Variants in MINAR1 observed in about 807,000 individuals in gnomAD.
The protein encoded by MINAR1 is major intrinsically disordered Notch2-binding receptor 1.
A neutral mutation model predicts 65.1 loss-of-function variants in MINAR1; 40 were observed. That is an observed-to-expected ratio of 0.61 (90% confidence interval 0.48 to 0.80). The LOEUF (loss-of-function observed/expected upper bound fraction) is 0.80. Among genes scored for constraint, MINAR1 ranks in the 30% least tolerant of loss-of-function variants. The pLI is 0.00. For missense variants in MINAR1, 1,128 were observed against 1,148.0 expected (o/e 0.98, Z 0.25); for synonymous variants, 482 against 449.1 (o/e 1.07, Z -0.93).
In MINAR1 at chr15:79,445,376, A is replaced by C. The variant is rs373487631; in HGVS notation, c.-50-10722A>C. On this transcript the variant is annotated intron_variant, in intron 1 of 3. Transcript: ENST00000305428. Reference sequence around the variant, plus strand: ...TGCTCCAACTAATAACTAATAAATCACATGGCTTATAAGTAGAACAGCTTG... The same window carrying C: ...TGCTCCAACTAATAACTAATAAATCCCATGGCTTATAAGTAGAACAGCTTG... 2.3e-4 allele frequency among the ~76,000 whole-genome samples: 35 copies of C among 152,322 alleles called. No homozygotes were observed. The East Asian group carries it at 6.8e-3, about 29-fold the overall frequency.
At chr15:79,460,243 C>G (rs997016729) in intron 2 of MINAR1, among the ~76,000 whole-genome samples, 1 of 152,176 alleles carries the variant, frequency 6.6e-6, no homozygotes, top group Non-Finnish European at 1.5e-5. Context: ...TGGTAGTGAC[C>G]AGACCCGGCC....
At chr15:79,442,592 G>GA (rs35688303) in intron 1 of MINAR1, among the ~76,000 whole-genome samples, 7,963 of 122,610 alleles carry the variant, frequency 0.065, 289 homozygotes, top group Middle Eastern at 0.13. Flanking sequence ...CCATAAAAAT[G>GA]AAAAAAAAAA....
chr15:79,423,498 A>ATTCAAGCTT, the MINAR1 span: 1 of 152,192 alleles, frequency 6.6e-6, no homozygotes, highest in African/African-American at 2.4e-5. Flanking sequence ...TTTATTTAAC[A>ATTCAAGCTT]ATAACCGACA....
At chr15:79,458,893 A>C (rs1355967653) in intron 2 of MINAR1, among the ~76,000 whole-genome samples, 4 of 152,150 alleles carry the variant, frequency 2.6e-5, no homozygotes, top group African/African-American at 9.7e-5. Context: ...GTTCCTTTTT[A>C]AGTATGAGGT....
upstream of MINAR1, among the ~76,000 whole-genome samples, chr15:79,429,510 G>A (rs1179097699): frequency 1.3e-5 from 2 of 152,208 alleles, no homozygotes; most frequent in Admixed American, 1.3e-4. Flanking sequence ...ATCTGAGTGG[G>A]ACACCACTAG....
At chr15:79,427,187 G>A in the MINAR1 span, 1 of 152,162 alleles carries the variant, frequency 6.6e-6, no homozygotes, top group African/African-American at 2.4e-5. Flanking sequence ...AATAATGCAT[G>A]TTCTCACTTA....
At position 79,457,223 on chromosome 15, in the gene MINAR1, A is replaced by C; in HGVS notation, c.1076A>C (p.Asn359Thr). ...QEARRCLGKPNKQTPWPAKSW... is the reference protein window; with the variant it reads ...QEARRCLGKPTKQTPWPAKSW... ...GCCAGGCGCTGTCTAGGGAAGCCCA[A>C]CAAGCAGACTCCCTGGCCAGCCAAA... is the stretch of plus-strand genomic sequence containing the variant. The change falls in exon 2 of 4, where the codon AAC becomes ACC. Residue 359 changes from asparagine (N) to threonine (T), a missense_variant. Coordinates refer to ENST00000305428, the MANE Select transcript of MINAR1 (RefSeq NM_015206.3). 6.2e-7 allele frequency: 1 copy of C among 1,614,070 alleles called. No individual in the cohort carries two copies. The highest frequency in any genetic ancestry group is 8.5e-7 in the Non-Finnish European group (1 of 1,179,970).
At chr15:79,452,628 CTGTGTGTGTGTGGGTGTG>C (rs1468809417) in intron 1 of MINAR1, among the ~76,000 whole-genome samples, 1 of 113,534 alleles carries the variant, frequency 8.8e-6, no homozygotes, top group Non-Finnish European at 1.9e-5. Flanking sequence ...CTGGATGAGT[CTGTGTGTGTGTGGGTGTG>C]TGTCTGGGTG....
At chr15:79,440,870 G>A (rs1003786467) in intron 1 of MINAR1, among the ~76,000 whole-genome samples, 3 of 151,412 alleles carry the variant, frequency 2.0e-5, no homozygotes, top group African/African-American at 7.3e-5. Flanking sequence ...TTTCTATTTC[G>A]CTTATTATCT....
At chr15:79,411,426 G>A in the MINAR1 span, 2 of 702,442 alleles carry the variant, frequency 2.8e-6, no homozygotes, top group Non-Finnish European at 5.2e-6. Context: ...ATTGGAAGGA[G>A]GTGGACAAGA....
At chr15:79,426,914 A>G in the MINAR1 span, 1 of 152,370 alleles carries the variant, frequency 6.6e-6, no homozygotes, top group African/African-American at 2.4e-5. Flanking sequence ...GCAATCCATT[A>G]TTGGGTATAG....
the MINAR1 span, chr15:79,420,764 G>A: frequency 0.014 from 2,059 of 152,352 alleles, 32 homozygotes; most frequent in Middle Eastern, 0.065. Context: ...AAGGCCTACA[G>A]GGTGTGGTCA....
chr15:79,435,812 A>C (rs1894584886), intron 1 of MINAR1, among the ~76,000 whole-genome samples: 1 of 152,216 alleles, frequency 6.6e-6, no homozygotes, highest in South Asian at 2.1e-4. Flanking sequence ...AGTCCTTTAA[A>C]ATAATTAAAG....
chr15:79,460,374 T>TTC (rs1895602147), intron 2 of MINAR1, among the ~76,000 whole-genome samples: 1 of 152,182 alleles, frequency 6.6e-6, no homozygotes, highest in Non-Finnish European at 1.5e-5. Flanking sequence ...TTAAAAACAG[T>TTC]GTTCCCTCTC....
chr15:79,431,517 G>C (rs946761808), upstream of MINAR1, among the ~76,000 whole-genome samples: 1 of 151,512 alleles, frequency 6.6e-6, no homozygotes, highest in South Asian at 2.1e-4. Flanking sequence ...GTGTGTGTGG[G>C]GGGGGAGAGA....
the MINAR1 span, chr15:79,424,641 C>A: frequency 6.6e-6 from 1 of 152,204 alleles, no homozygotes; most frequent in Non-Finnish European, 1.5e-5. Flanking sequence ...TAAACATGTG[C>A]TGAGCACCTA....
rs1894468641 is a variant in MINAR1 at position 79,432,432 on chromosome 15, ACT to A, written c.-156_-155del. 6.6e-6 allele frequency: 1 copy of A among 152,098 alleles called. No homozygotes were observed. Among genetic ancestry groups the A allele is most frequent in the African/African-American group, 2.4e-5 (1 of 41,374 alleles). 9.4% of individuals were successfully genotyped at this position (152,098 alleles called of 1,614,324 possible). A position where few individuals can be genotyped will look rare whatever the true frequency, so the allele number is the denominator to read the frequency against. On this transcript the variant is annotated 5_prime_UTR_variant, in exon 1 of 4. Coordinates refer to ENST00000305428, the MANE Select transcript of MINAR1 (RefSeq NM_015206.3). ...GCTGCCGGGTGACAGTGACCAGCTGACTCTGGAGCCTACCGGAGGCGCGGCAT... is the reference window on the plus strand; with the variant it reads ...GCTGCCGGGTGACAGTGACCAGCTGACTGGAGCCTACCGGAGGCGCGGCAT...
intron 1 of MINAR1, among the ~76,000 whole-genome samples, chr15:79,446,622 C>T (rs1252458895): frequency 2.6e-5 from 4 of 151,360 alleles, no homozygotes; most frequent in Non-Finnish European, 4.4e-5. Flanking sequence ...CTTTTCATTT[C>T]TGGTATTCTT....
At position 79,457,714 on chromosome 15, in the gene MINAR1, C is replaced by T. The variant is rs1316710472; in HGVS notation, c.1567C>T (p.Arg523Ter). ...IVSDDISDIFRFLDDMSISGS... is the reference protein window; with the variant it reads ...IVSDDISDIF ...CAGCGACGACATCAGTGACATTTTCCGATTTCTTGATGACATGAGCATCAG... is the reference window on the plus strand; with the variant it reads ...CAGCGACGACATCAGTGACATTTTCTGATTTCTTGATGACATGAGCATCAG... The change falls in exon 2 of 4, where the codon CGA becomes TGA. Residue 523 changes from arginine to a stop codon, truncating the protein, a stop_gained. Transcript: ENST00000305428. LOFTEE classifies it high-confidence loss of function. 1.1e-5 allele frequency: 17 copies of T among 1,614,038 alleles called. No homozygotes were observed. Among genetic ancestry groups the T allele is most frequent in the Non-Finnish European group, 1.3e-5 (15 of 1,180,034 alleles).
Sources: allele counts gnomAD v4.1 joint callset (sites outside exome capture counted in the v4.1 genomes callset), GRCh38; gene constraint gnomAD v4.1.1; transcripts MANE v1.5; gene names NCBI Gene and HGNC (gene_info 2026-07-23, HGNC 2026-07-21).